Variants in FRAS1 observed in about 807,000 individuals in gnomAD.
FRAS1 encodes Fraser extracellular matrix complex subunit 1.
In FRAS1, 290 loss-of-function variants were observed where a neutral mutation model predicts 435.2. That is an observed-to-expected ratio of 0.67 (90% CI 0.61 to 0.73). The LOEUF (loss-of-function observed/expected upper bound fraction) is 0.73. FRAS1 is among the 30% of genes least tolerant of loss of function. The pLI is 0.00. For missense variants in FRAS1, 4,860 were observed against 5,001.5 expected, an observed-to-expected ratio of 0.97 and a Z score of 0.85; for synonymous variants, 1,800 against 1,851.0, an observed-to-expected ratio of 0.97 and a Z score of 0.71.
chr4:78,152,264 T>C (rs1285675819), intron 2 of FRAS1, among the ~76,000 whole-genome samples: 2 of 152,202 alleles, frequency 1.3e-5, no homozygotes, highest in Non-Finnish European at 2.9e-5. Flanking sequence ...GTGTGGTTTT[T>C]AGAAAGGCAG....
intron 2 of FRAS1, among the ~76,000 whole-genome samples, chr4:78,073,720 A>C (rs1560508196): frequency 6.6e-6 from 1 of 152,192 alleles, no homozygotes; most frequent in East Asian, 1.9e-4. Flanking sequence ...TACCAAGGGA[A>C]AGATAATATA....
intron 9 of FRAS1, among the ~76,000 whole-genome samples, chr4:78,275,702 T>C (rs1014346687): frequency 6.6e-6 from 1 of 152,346 alleles, no homozygotes; most frequent in East Asian, 1.9e-4. Context: ...TCTGATGGGC[T>C]TCCCTTTGTG....
intron 19 of FRAS1, among the ~76,000 whole-genome samples, chr4:78,337,164 G>A (rs1012965113): frequency 3.3e-5 from 5 of 152,172 alleles, no homozygotes; most frequent in Non-Finnish European, 7.3e-5. Context: ...CATCCCAGTG[G>A]TAGTGGCTTG....
At chr4:78,099,885 G>T (rs1742030835) in intron 2 of FRAS1, among the ~76,000 whole-genome samples, 1 of 152,180 alleles carries the variant, frequency 6.6e-6, no homozygotes, top group African/African-American at 2.4e-5. Flanking sequence ...TAGCATTGTA[G>T]TCACCTTAGA....
At chr4:78,321,469 G>A (rs375484126) in intron 18 of FRAS1, among the ~76,000 whole-genome samples, 17 of 152,290 alleles carry the variant, frequency 1.1e-4, no homozygotes, top group African/African-American at 3.1e-4. Flanking sequence ...ATGCTTCAGG[G>A]TTAGAGCATC....
At chr4:78,390,525 A>G (rs1463432210) in intron 29 of FRAS1, among the ~76,000 whole-genome samples, 10 of 152,214 alleles carry the variant, frequency 6.6e-5, no homozygotes, top group Non-Finnish European at 1.3e-4. Flanking sequence ...TGTGTTGGTC[A>G]TATATATTCT....
intron 22 of FRAS1, among the ~76,000 whole-genome samples, chr4:78,366,111 GA>G (rs1731258184): frequency 6.6e-6 from 1 of 152,160 alleles, no homozygotes; most frequent in Non-Finnish European, 1.5e-5. Flanking sequence ...CCAAATTATT[GA>G]AGGAAGTAAG....
intron 2 of FRAS1, among the ~76,000 whole-genome samples, chr4:78,097,498 A>C (rs552357275): frequency 1.4e-4 from 22 of 152,240 alleles, no homozygotes; most frequent in Non-Finnish European, 2.9e-4. Context: ...AAGAGGTTTA[A>C]GACATTCACA....
At chr4:78,430,192 C>T (rs973192262) in intron 36 of FRAS1, 100 bp from the exon 37 acceptor site, 10 of 1,405,786 alleles carry the variant, frequency 7.1e-6, no homozygotes, top group Non-Finnish European at 9.9e-6. Context: ...ATCAGATTAC[C>T]CACAGCATGA....
chr4:78,264,309 A>C (rs371818588), intron 6 of FRAS1, among the ~76,000 whole-genome samples: 2 of 152,214 alleles, frequency 1.3e-5, no homozygotes, highest in South Asian at 4.1e-4. Context: ...ATGTAGGGAC[A>C]TAGAGTAGCT....
intron 47 of FRAS1, among the ~76,000 whole-genome samples, chr4:78,455,213 C>T (rs1429349399): frequency 1.3e-5 from 2 of 152,222 alleles, no homozygotes; most frequent in Admixed American, 1.3e-4. Flanking sequence ...CCAGGACTGT[C>T]TCCTTCCCTA....
Position 78,255,250 on chromosome 4 carries a change from T to G in FRAS1, c.478T>G (p.Ser160Ala). 1.9e-6 allele frequency: 3 copies of G among 1,552,150 alleles called. No homozygotes were observed. Among genetic ancestry groups the G allele is most frequent in the Non-Finnish European group, 2.6e-6 (3 of 1,147,140 alleles). The change falls in exon 6 of 74, where the codon TCC (serine) becomes GCC (alanine). Residue 160 changes from serine (S) to alanine (A), a missense_variant. Transcript: ENST00000512123. ...PVCVGLGKPC[S>A]YEGHVFQDGE... ...TTTCTTTGACCTTCCAGAACCCTGT[T>G]CCTATGAAGGCCATGTGTTTCAGGA...
At chr4:78,340,270 G>A (rs188340355) in intron 20 of FRAS1, among the ~76,000 whole-genome samples, 5 of 152,274 alleles carry the variant, frequency 3.3e-5, no homozygotes, top group African/African-American at 1.2e-4. Flanking sequence ...GGAATTAGGT[G>A]TATTAAGTAA....
At chr4:78,162,253 T>C (rs1371696412) in intron 2 of FRAS1, among the ~76,000 whole-genome samples, 1 of 152,040 alleles carries the variant, frequency 6.6e-6, no homozygotes, top group Non-Finnish European at 1.5e-5. Flanking sequence ...AAGAAAAAGG[T>C]TTTTAAACCA....
chr4:78,379,890 C>T lies in FRAS1; in HGVS notation c.3457C>T (p.Leu1153Phe). 4.3e-6 allele frequency: 7 copies of T among 1,613,894 alleles called. No individual in the cohort carries two copies. The highest frequency in any genetic ancestry group is 5.9e-6 in the Non-Finnish European group (7 of 1,179,860). The change falls in exon 27 of 74, where the codon CTC becomes TTC. Residue 1153 changes from leucine to phenylalanine, a missense_variant. Coordinates refer to ENST00000512123, the MANE Select transcript of FRAS1 (RefSeq NM_025074.7). ...CACTCCCACCAATGGTCAGCTAGTGCTCTCAAGAAATGGAAAAGAGGTTCA... is the reference window on the plus strand; with the variant it reads ...CACTCCCACCAATGGTCAGCTAGTGTTCTCAAGAAATGGAAAAGAGGTTCA... Reference protein sequence around the residue: ...VSTPTNGQLVLSRNGKEVQLD... With the variant: ...VSTPTNGQLVFSRNGKEVQLD...
intron 29 of FRAS1, among the ~76,000 whole-genome samples, chr4:78,388,118 G>T (rs1369529991): frequency 6.6e-6 from 1 of 151,938 alleles, no homozygotes; most frequent in African/African-American, 2.4e-5. Flanking sequence ...GAGGTCAGGA[G>T]ATCAAGACCA....
chr4:78,511,151 A>G (rs2109884272), intron 63 of FRAS1, 123 bp from the exon 64 acceptor site: 1 of 798,558 alleles, frequency 1.3e-6, no homozygotes, highest in East Asian at 2.6e-5. Context: ...TGAATGAATG[A>G]ATAGATGGAA....
At chr4:78,108,563 C>T (rs1485237969) in intron 2 of FRAS1, among the ~76,000 whole-genome samples, 1 of 103,326 alleles carries the variant, frequency 9.7e-6, no homozygotes, top group Non-Finnish European at 1.9e-5. Context: ...AGAACAAAGA[C>T]ACCACATGCC....
chr4:78,178,900 G>T (rs758716332), intron 2 of FRAS1, among the ~76,000 whole-genome samples: 8 of 152,172 alleles, frequency 5.3e-5, no homozygotes, highest in Non-Finnish European at 1.2e-4. Flanking sequence ...GAGGTATAGA[G>T]TAGGTATTCA....
Sources: gnomAD v4.1 joint callset for allele counts (sites outside exome capture counted in the v4.1 genomes callset) on GRCh38, gnomAD v4.1.1 for gene constraint, MANE v1.5 for transcripts, NCBI Gene and HGNC (gene_info 2026-07-23, HGNC 2026-07-21) for gene names.